The following PTH2R variants were observed in gnomAD, a reference collection of about 807,000 sequenced individuals.
PTH2R encodes the protein parathyroid hormone 2 receptor.
A neutral mutation model predicts 60.3 loss-of-function variants in PTH2R; 59 were observed. That is an observed-to-expected ratio of 0.98 (90% confidence interval 0.79 to 1.22). PTH2R has a LOEUF of 1.22. Ranked by LOEUF, PTH2R falls within the 50% of genes most tolerant of loss-of-function variation. The pLI, the probability that PTH2R is intolerant of heterozygous loss-of-function variation, is 0.00. For missense variants in PTH2R, 749 were observed against 682.6 expected (o/e 1.10, Z -1.08); for synonymous variants, 256 against 243.8 (o/e 1.05, Z -0.47).
At chr2:208,491,982 G>A (rs1448376958) in intron 12 of PTH2R, among the ~76,000 whole-genome samples, 2 of 152,190 alleles carry the variant, frequency 1.3e-5, no homozygotes, top group Non-Finnish European at 2.9e-5. Flanking sequence ...TGTCAGTCAG[G>A]TGTTGATTTG....
At chr2:208,427,171 T>G (rs1286022533) in intron 1 of PTH2R, among the ~76,000 whole-genome samples, 1 of 152,132 alleles carries the variant, frequency 6.6e-6, no homozygotes, top group Non-Finnish European at 1.5e-5. Context: ...TTATACAATG[T>G]TTTCTAGGAT....
At chr2:208,416,427 T>C (rs930053468) in intron 1 of PTH2R, among the ~76,000 whole-genome samples, 4 of 152,242 alleles carry the variant, frequency 2.6e-5, no homozygotes, top group Non-Finnish European at 5.9e-5. Flanking sequence ...TTAATTATCA[T>C]CAGTTCTTTA....
intron 10 of PTH2R, among the ~76,000 whole-genome samples, chr2:208,482,411 TG>T (rs1703174739): frequency 6.6e-6 from 1 of 151,922 alleles, no homozygotes; most frequent in East Asian, 1.9e-4. Flanking sequence ...TTAGTGAGGG[TG>T]GGGTAGGTTA....
intron 2 of PTH2R, 101 bp from the exon 3 acceptor site, chr2:208,437,436 T>C: frequency 1.2e-6 from 1 of 833,566 alleles, no homozygotes; most frequent in Non-Finnish European, 1.8e-6. Context: ...TTAATTTTGC[T>C]ACAGACAATG....
upstream of PTH2R, among the ~76,000 whole-genome samples, chr2:208,403,825 A>G (rs1168898894): frequency 6.6e-6 from 1 of 152,056 alleles, no homozygotes; most frequent in East Asian, 1.9e-4. Context: ...AGTGGTTAGG[A>G]TTGAGACCTG....
At chr2:208,492,593 AT>A (rs1703428938) in intron 12 of PTH2R, among the ~76,000 whole-genome samples, 1 of 151,942 alleles carries the variant, frequency 6.6e-6, no homozygotes, top group Non-Finnish European at 1.5e-5. Context: ...ATCCCTCTTG[AT>A]TTTTATATTT....
chr2:208,443,586 A>C, intron 6 of PTH2R, 49 bp downstream of exon 6: 1 of 1,449,600 alleles, frequency 6.9e-7, no homozygotes, highest in Non-Finnish European at 9.3e-7. Flanking sequence ...ATAACACTAC[A>C]AATAAGTACA....
intron 1 of PTH2R, among the ~76,000 whole-genome samples, chr2:208,373,152 CAAAAG>C (rs1700733768): frequency 6.6e-6 from 1 of 151,890 alleles, no homozygotes; most frequent in Non-Finnish European, 1.5e-5. Context: ...TTGGCTAAAA[CAAAAG>C]AGAAGAAAAA....
chr2:208,476,147 C>T (rs893268837), intron 9 of PTH2R, among the ~76,000 whole-genome samples: 2 of 151,968 alleles, frequency 1.3e-5, no homozygotes, highest in Non-Finnish European at 2.9e-5. Flanking sequence ...GTGCACTTTT[C>T]AAAATATGAA....
rs762356381 is a variant in PTH2R at position 208,407,003 on chromosome 2, C to T, written c.-41C>T. The T allele has an allele frequency of 2.9e-6, 4 of 1,364,982 alleles. No individual in the cohort carries two copies. Among genetic ancestry groups the T allele is most frequent in the East Asian group, 2.8e-5 (1 of 36,016 alleles). 84.6% of individuals were successfully genotyped at this position (1,364,982 alleles called of 1,614,324 possible). Reference sequence around the variant, plus strand: ...GCAACTTGGAAGCTTCTCCCGGGCTCTGGAGGAGGGTCCCTGCTTCTTCCT... The same window carrying T: ...GCAACTTGGAAGCTTCTCCCGGGCTTTGGAGGAGGGTCCCTGCTTCTTCCT... On this transcript the variant is annotated 5_prime_UTR_variant, in exon 1 of 13. Transcript: ENST00000272847.
intron 1 of PTH2R, among the ~76,000 whole-genome samples, chr2:208,375,390 TC>T: frequency 1.3e-5 from 2 of 152,226 alleles, no homozygotes; most frequent in Middle Eastern, 6.8e-3. Flanking sequence ...AATGTAAAAC[TC>T]TTGTGAAGAC....
chr2:208,482,405 T>C (rs932308987), intron 10 of PTH2R, among the ~76,000 whole-genome samples: 8 of 152,058 alleles, frequency 5.3e-5, no homozygotes, highest in African/African-American at 1.2e-4. Flanking sequence ...TTAAGTTTAG[T>C]GAGGGTGGGG....
At chr2:208,365,929 A>AATAAAT (rs1700571677) in intron 1 of PTH2R, among the ~76,000 whole-genome samples, 1 of 43,736 alleles carries the variant, frequency 2.3e-5, no homozygotes, top group Non-Finnish European at 3.9e-5. Context: ...ATAATAGATA[A>AATAAAT]ATATATATAT....
chr2:208,433,903 G>T (rs1226380800), intron 2 of PTH2R, among the ~76,000 whole-genome samples: 1 of 152,178 alleles, frequency 6.6e-6, no homozygotes, highest in East Asian at 1.9e-4. Context: ...AATTAATGGT[G>T]CTAATTTATA....
At chr2:208,413,700 A>G (rs1701586368) in intron 1 of PTH2R, among the ~76,000 whole-genome samples, 1 of 152,198 alleles carries the variant, frequency 6.6e-6, no homozygotes, top group African/African-American at 2.4e-5. Context: ...ATTTATTTGT[A>G]TTACCTAATT....
rs1703486192 is a variant in PTH2R, at chr2:208,494,386, T to G, written c.*727T>G. On this transcript the variant is annotated 3_prime_UTR_variant, in exon 13 of 13. Coordinates refer to ENST00000272847, the MANE Select transcript of PTH2R (RefSeq NM_005048.4). ...AGTTAGTGAGCTTGTGTCTGCAAAT[T>G]GATTTTGTTTGTAATGTATTTTGAT... 6.6e-6 allele frequency: 1 copy of G among 152,234 alleles called. No homozygotes were observed. 9.4% of individuals were successfully genotyped at this position (152,234 alleles called of 1,614,324 possible). A position where few individuals can be genotyped will look rare whatever the true frequency, so the allele number is the denominator to read the frequency against.
intron 8 of PTH2R, among the ~76,000 whole-genome samples, chr2:208,455,237 G>T (rs1702486845): frequency 6.6e-6 from 1 of 152,158 alleles, no homozygotes. Context: ...CAGTAAAGAG[G>T]TACTAATTAA....
rs1487504440 is a variant in PTH2R, at chr2:208,437,892, T to A, written c.411+11T>A. The A allele has an allele frequency of 6.2e-7, 1 of 1,605,932 alleles. No homozygotes were observed. Among genetic ancestry groups the A allele is most frequent in the Non-Finnish European group, 8.5e-7 (1 of 1,173,702 alleles). Reference sequence around the variant, plus strand: ...ATCAGCATAGGAAAGGTAATGGAATTTCTCTATTTGTGAATTCCTAAGGGA... The same window carrying A: ...ATCAGCATAGGAAAGGTAATGGAATATCTCTATTTGTGAATTCCTAAGGGA... On this transcript the variant is annotated intron_variant, in intron 4 of 12. Coordinates refer to ENST00000272847, the MANE Select transcript of PTH2R (RefSeq NM_005048.4).
intron 1 of PTH2R, among the ~76,000 whole-genome samples, chr2:208,419,117 A>G (rs1429974337): frequency 2.6e-5 from 4 of 152,204 alleles, no homozygotes; most frequent in Non-Finnish European, 4.4e-5. Context: ...CAATGGTTGA[A>G]CTAGTTTACA....
Sources: allele counts gnomAD v4.1 joint callset (sites outside exome capture counted in the v4.1 genomes callset), GRCh38; gene constraint gnomAD v4.1.1; transcripts MANE v1.5; gene names NCBI Gene and HGNC (gene_info 2026-07-23, HGNC 2026-07-21).